The following CLEC7A variants were observed in gnomAD, a reference collection of about 807,000 sequenced individuals.
The protein encoded by CLEC7A is C-type lectin domain containing 7A.
Under a neutral mutation model 26.9 loss-of-function variants are expected in CLEC7A, and 25 were observed. The ratio of observed to expected loss-of-function variants is 0.93; its 90% CI spans 0.68 to 1.30. The LOEUF is 1.30. CLEC7A is among the 50% of genes most tolerant of loss of function. The pLI, the probability that CLEC7A is intolerant of heterozygous loss-of-function variation, is 0.00. For synonymous variants in CLEC7A, 100 were observed against 99.5 expected (o/e 1.01, Z -0.03); for missense variants, 275 against 286.7 (o/e 0.96, Z 0.29).
intron 2 of CLEC7A, chr12:10,127,267 G>A (rs1948321625): frequency 2.1e-6 from 3 of 1,436,352 alleles, no homozygotes; most frequent in Non-Finnish European, 1.9e-6. Context: ...ATTCAAAGGT[G>A]TTTATATTAA....
chr12:10,124,600 T>C (rs1029876283), intron 4 of CLEC7A: 13 of 152,326 alleles, frequency 8.5e-5, no homozygotes, highest in African/African-American at 2.6e-4. Context: ...CTCTTTGCCT[T>C]TCCCAGTATC....
At chr12:10,119,365 C>T (rs1948007813) in intron 5 of CLEC7A, among the ~76,000 whole-genome samples, 1 of 152,176 alleles carries the variant, frequency 6.6e-6, no homozygotes, top group Non-Finnish European at 1.5e-5. Flanking sequence ...AGATTCAGAC[C>T]TCAGGGAGAA....
chr12:10,119,828 A>C (rs1038615262), intron 5 of CLEC7A, among the ~76,000 whole-genome samples: 1 of 151,244 alleles, frequency 6.6e-6, no homozygotes, highest in Admixed American at 6.6e-5. Flanking sequence ...TCAACACAAA[A>C]GAAAAATAGT....
In CLEC7A at chr12:10,117,099, A is replaced by G. The variant is rs1947935216; in HGVS notation, c.*1359T>C. ...TCACAAAACTAATAAAACATATTCC[A>G]AAATGTTAATACTTGTTCCAATGAG... On this transcript the variant is annotated 3_prime_UTR_variant, in exon 6 of 6. Transcript: ENST00000304084. The G allele has an allele frequency of 6.6e-6, 1 of 152,254 alleles. No homozygotes were observed. The highest frequency in any genetic ancestry group is 2.4e-5 in the African/African-American group (1 of 41,464). 9.4% of individuals were successfully genotyped at this position (152,254 alleles called of 1,614,324 possible). A position where few individuals can be genotyped will look rare whatever the true frequency, so the allele number is the denominator to read the frequency against.
intron 5 of CLEC7A, among the ~76,000 whole-genome samples, chr12:10,121,197 T>C (rs776168156): frequency 1.3e-5 from 2 of 151,782 alleles, no homozygotes; most frequent in Non-Finnish European, 2.9e-5. Context: ...GAAGTATACA[T>C]GTGTAATTCC....
intron 1 of CLEC7A, among the ~76,000 whole-genome samples, chr12:10,128,630 C>G (rs1044686958): frequency 1.3e-5 from 2 of 152,064 alleles, no homozygotes; most frequent in Non-Finnish European, 2.9e-5. Flanking sequence ...GTAATAATAT[C>G]TCAAAGGATT....
rs770501284 is a variant in CLEC7A at position 10,126,603 on chromosome 12, C to G, written c.308G>C (p.Ser103Thr). ...SQPTQSSLED[S>T]VTPTKAVKTT... ...TTTGACAGCTTTGGTAGGAGTCACA[C>G]TGTCTTCTAAAGATGATTGTGTGGG... is the stretch of plus-strand genomic sequence containing the variant. The change falls in exon 3 of 6, where the codon AGT becomes ACT. Residue 103 changes from serine to threonine, a missense_variant. Physicochemically the swap from Ser to Thr is moderately conservative, Grantham distance 58. Transcript: ENST00000304084. The G allele has an allele frequency of 4.3e-6, 7 of 1,610,566 alleles. No individual in the cohort carries two copies. The highest frequency in any genetic ancestry group is 4.0e-5 in the African/African-American group (3 of 74,634).
At chr12:10,127,357 A>G in intron 2 of CLEC7A, 2 of 1,580,222 alleles carry the variant, frequency 1.3e-6, no homozygotes, top group Non-Finnish European at 1.7e-6. Flanking sequence ...TTCATTAGGA[A>G]GACAGCACCA....
At position 10,118,225 on chromosome 12, in the gene CLEC7A, C is replaced by G. The variant is rs1361754007; in HGVS notation, c.*233G>C. 1 of 470,572 alleles carries G rather than the reference C, an allele frequency of 2.1e-6. No individual in the cohort carries two copies. Among genetic ancestry groups the G allele is most frequent in the Non-Finnish European group, 3.7e-6 (1 of 270,016 alleles). 29.1% of individuals were successfully genotyped at this position (470,572 alleles called of 1,614,324 possible). A position where few individuals can be genotyped will look rare whatever the true frequency, so the allele number is the denominator to read the frequency against. On this transcript the variant is annotated 3_prime_UTR_variant, in exon 6 of 6. Transcript: ENST00000304084. ...AAATAAAAACTCAAGCTTGGCTGCC[C>G]TGATTCCATGTCTAGGGATCTACTA...
Position 10,128,411 on chromosome 12 carries a change from T to C in CLEC7A, c.104-566A>G, listed in dbSNP as rs117188313. 7.0e-4 allele frequency among the ~76,000 whole-genome samples: 107 copies of C among 152,316 alleles called. No homozygotes were observed. In the East Asian group the frequency reaches 0.015, roughly 22 times the overall value. Reference sequence around the variant, plus strand: ...TTTCGGCACATTGGCTTGATAACTGTATGCTCCTAATTTCAGTTCCACATT... The same window carrying C: ...TTTCGGCACATTGGCTTGATAACTGCATGCTCCTAATTTCAGTTCCACATT... On this transcript the variant is annotated intron_variant, in intron 1 of 5. Coordinates refer to ENST00000304084, the MANE Select transcript of CLEC7A (RefSeq NM_197947.3).
rs547671451 is a variant in CLEC7A, at chr12:10,128,725, AC to A, written c.104-881del. 3.0e-4 allele frequency among the ~76,000 whole-genome samples: 46 copies of A among 152,274 alleles called. 1 individual carries two copies. In the South Asian group the frequency reaches 8.9e-3, roughly 30 times the overall value. ...CATGATAGGTGTGTTGTTGCAGGATACCGTTTGCCTACACATATGCATAAAC... is the reference window on the plus strand; with the variant it reads ...CATGATAGGTGTGTTGTTGCAGGATACGTTTGCCTACACATATGCATAAAC... On this transcript the variant is annotated intron_variant, in intron 1 of 5. Transcript: ENST00000304084.
intron 2 of CLEC7A, chr12:10,127,135 T>C: frequency 8.7e-7 from 1 of 1,148,852 alleles, no homozygotes; most frequent in Non-Finnish European, 1.2e-6. Flanking sequence ...AATTAAGGAA[T>C]GTCATGAAGA....
chr12:10,127,236 G>A, intron 2 of CLEC7A: 1 of 1,313,442 alleles, frequency 7.6e-7, no homozygotes, highest in Non-Finnish European at 1.0e-6. Context: ...AAGACCAAGT[G>A]CCTCAGGAAA....
intron 1 of CLEC7A, among the ~76,000 whole-genome samples, chr12:10,129,146 G>T (rs1948406075): frequency 6.6e-6 from 1 of 152,076 alleles, no homozygotes; most frequent in Non-Finnish European, 1.5e-5. Flanking sequence ...TCCTGCTGGT[G>T]GGATGTTTTT....
intron 4 of CLEC7A, 106 bp downstream of exon 4, chr12:10,125,180 CAAAAAAAAAAA>C: frequency 1.9e-6 from 1 of 524,488 alleles, no homozygotes; most frequent in East Asian, 4.1e-5. Flanking sequence ...GACTCTGCCT[CAAAAAAAAAAA>C]AAAAAAAAGA....
At chr12:10,118,981 A>C (rs540829186) in intron 5 of CLEC7A, among the ~76,000 whole-genome samples, 1 of 152,312 alleles carries the variant, frequency 6.6e-6, no homozygotes, top group South Asian at 2.1e-4. Flanking sequence ...TGAGTAGACC[A>C]AGCAGAAGCA....
chr12:10,124,964 A>C (rs998314509), intron 4 of CLEC7A: 4 of 269,172 alleles, frequency 1.5e-5, no homozygotes, highest in Non-Finnish European at 2.2e-5. Context: ...TGGGAGATCG[A>C]GGTAGGCAGA....
rs899692469 is a variant in CLEC7A at position 10,129,243 on chromosome 12, C to CA, written c.103+736dup. ...AACAATTTAAATTAATCTCTTACCA[C>CA]AAAAAAAAAATGTTGTTCATATATA... On this transcript the variant is annotated intron_variant, in intron 1 of 5. Coordinates refer to ENST00000304084, the MANE Select transcript of CLEC7A (RefSeq NM_197947.3). Among the ~76,000 whole-genome samples the CA allele has an allele frequency of 4.8e-4, 72 of 148,972 alleles. 1 individual carries two copies. The highest frequency in any genetic ancestry group is 1.1e-3 in the South Asian group (5 of 4,686).
chr12:10,125,509 AACACC>A, intron 3 of CLEC7A, 61 bp from the exon 4 acceptor site: 1 of 1,391,158 alleles, frequency 7.2e-7, no homozygotes, highest in Non-Finnish European at 9.7e-7. Flanking sequence ...TTTTAGTGTG[AACACC>A]ATTCATCTTA....
Sources: gnomAD v4.1 joint callset for allele counts (sites outside exome capture counted in the v4.1 genomes callset) on GRCh38, gnomAD v4.1.1 for gene constraint, MANE v1.5 for transcripts, NCBI Gene and HGNC (gene_info 2026-07-23, HGNC 2026-07-21) for gene names.